The following UGT1A9 variants were observed in gnomAD, a reference collection of about 807,000 sequenced individuals.
UGT1A9 encodes UDP glucuronosyltransferase family 1 member A9, also known as UDP-glucuronosyltransferase 1A9.
A neutral mutation model predicts 45.0 loss-of-function variants in UGT1A9; 35 were observed. The ratio of observed to expected loss-of-function variants is 0.78; its 90% CI spans 0.59 to 1.03. The LOEUF is 1.03. UGT1A9 is among the 50% of genes least tolerant of loss of function. The probability of loss-of-function intolerance (pLI) is 0.00; values close to 1 mark genes in which losing one functional copy is unlikely to be tolerated. For synonymous variants in UGT1A9, 278 were observed against 250.6 expected (o/e 1.11, Z -1.03); for missense variants, 687 against 666.6 (o/e 1.03, Z -0.34).
chr2:233,757,535 A>AATATATATATATATATATATATATAT (rs67292694), intron 1 of UGT1A9, among the ~76,000 whole-genome samples: 77 of 88,242 alleles, frequency 8.7e-4, no homozygotes, highest in East Asian at 3.1e-3. Context: ...GCCTGTAAGG[A>AATATATATATATATATATATATATAT]ATATATATAT....
Position 233,754,476 on chromosome 2 carries a change from C to A in UGT1A9, c.856-12558C>A, listed in dbSNP as rs561719885. 3.5e-4 allele frequency: 124 copies of A among 357,228 alleles called. 1 individual carries two copies. Among genetic ancestry groups the A allele is most frequent in the Admixed American group, 6.4e-4 (17 of 26,454 alleles). The allele number at this position is 357,228 out of a possible 1,614,324, so 22.1% of individuals were successfully genotyped here. A position where few individuals can be genotyped will look rare whatever the true frequency, so the allele number is the denominator to read the frequency against. ...GTACAGCTGTTCTGAAAGTAAAGTT[C>A]ACTTTCAATCCTAAAAAAAGTCCGC... On this transcript the variant is annotated intron_variant, in intron 1 of 4. Coordinates refer to ENST00000354728, the MANE Select transcript of UGT1A9 (RefSeq NM_021027.3).
chr2:233,747,677 C>T (rs1693749061), intron 1 of UGT1A9: 1 of 1,606,758 alleles, frequency 6.2e-7, no homozygotes, highest in Non-Finnish European at 8.5e-7. Context: ...ACCCAATTTA[C>T]CTCTGTGGGG....
intron 1 of UGT1A9, among the ~76,000 whole-genome samples, chr2:233,716,389 A>C (rs1313354106): frequency 6.6e-6 from 1 of 152,190 alleles, no homozygotes; most frequent in East Asian, 1.9e-4. Flanking sequence ...TACCACAGAC[A>C]CTAAGCTTAA....
At chr2:233,754,113 C>T (rs1185376783) in intron 1 of UGT1A9, among the ~76,000 whole-genome samples, 1 of 152,168 alleles carries the variant, frequency 6.6e-6, no homozygotes, top group Non-Finnish European at 1.5e-5. Flanking sequence ...TCCTACATCA[C>T]GAGCATTTAT....
Position 233,713,643 on chromosome 2 carries a change from C to G in UGT1A9, c.855+40854C>G, listed in dbSNP as rs149715967. On this transcript the variant is annotated intron_variant, in intron 1 of 4. Transcript: ENST00000354728. ...AAGGGTCAAGAACATGCTCTACCCTCTGGCCCTGTCCTACCTTTGCCATGC... is the reference window on the plus strand; with the variant it reads ...AAGGGTCAAGAACATGCTCTACCCTGTGGCCCTGTCCTACCTTTGCCATGC... 717 of 1,613,992 alleles carry G rather than the reference C, an allele frequency of 4.4e-4. 2 individuals are homozygous for G. The highest frequency in any genetic ancestry group is 1.7e-3 in the South Asian group (154 of 91,058).
At chr2:233,725,835 C>T (rs141517259) in intron 1 of UGT1A9, among the ~76,000 whole-genome samples, 2 of 152,170 alleles carry the variant, frequency 1.3e-5, no homozygotes, top group African/African-American at 4.8e-5. Flanking sequence ...ATTGCTACTC[C>T]TATGTTATTT....
chr2:233,697,833 TAAG>T (rs2125573515), intron 1 of UGT1A9, among the ~76,000 whole-genome samples: 1 of 152,318 alleles, frequency 6.6e-6, no homozygotes, highest in African/African-American at 2.4e-5. Flanking sequence ...AAAATCTAAT[TAAG>T]AAGTTAGTAA....
chr2:233,737,176 C>CG (rs2078848522), intron 1 of UGT1A9, among the ~76,000 whole-genome samples: 1 of 152,196 alleles, frequency 6.6e-6, no homozygotes, highest in South Asian at 2.1e-4. Context: ...GAGTCTATAG[C>CG]GGCAGTAGCC....
At chr2:233,742,175 T>C (rs1052722591) in intron 1 of UGT1A9, among the ~76,000 whole-genome samples, 7 of 151,768 alleles carry the variant, frequency 4.6e-5, no homozygotes, top group African/African-American at 1.5e-4. Flanking sequence ...CACAGAAATA[T>C]AGAGTGTGGA....
rs2074207726 is a variant in UGT1A9, at chr2:233,672,031, A to G, written c.97A>G (p.Met33Val). Residue 33 changes from methionine to valine, a missense_variant, in exon 1 of 5, where the codon ATG becomes GTG. Physicochemically the swap from Met to Val is conservative, Grantham distance 21 (BLOSUM62 1). Coordinates refer to ENST00000354728, the MANE Select transcript of UGT1A9 (RefSeq NM_021027.3). ...GGCAGGGAAGCTACTGGTAGTGCCC[A>G]TGGATGGGAGCCACTGGTTCACCAT... ...AEAGKLLVVP[M>V]DGSHWFTMRS... 1.9e-6 allele frequency: 3 copies of G among 1,614,030 alleles called. No homozygotes were observed. The highest frequency in any genetic ancestry group is 1.3e-5 in the African/African-American group (1 of 74,936).
chr2:233,690,191 TA>T (rs1234058808), intron 1 of UGT1A9, among the ~76,000 whole-genome samples: 1 of 152,236 alleles, frequency 6.6e-6, no homozygotes, highest in African/African-American at 2.4e-5. Flanking sequence ...TTTCATAAAA[TA>T]TTCATAAATT....
intron 1 of UGT1A9, among the ~76,000 whole-genome samples, chr2:233,679,523 C>T (rs1325905150): frequency 6.6e-6 from 1 of 152,140 alleles, no homozygotes; most frequent in Non-Finnish European, 1.5e-5. Flanking sequence ...TCTTCCTTGC[C>T]AATAAATGTC....
chr2:233,763,322 A>T (rs767434078), intron 1 of UGT1A9, among the ~76,000 whole-genome samples: 4 of 152,108 alleles, frequency 2.6e-5, no homozygotes, highest in Non-Finnish European at 5.9e-5. Context: ...CTTCTGTATT[A>T]TTTTTGTTTA....
chr2:233,749,337 T>C (rs10179091), intron 1 of UGT1A9, among the ~76,000 whole-genome samples: 73,841 of 151,468 alleles, frequency 0.49, 18,755 homozygotes, highest in South Asian at 0.6. Context: ...TGTTGAAAAG[T>C]GGGATGGAAT....
intron 1 of UGT1A9, among the ~76,000 whole-genome samples, chr2:233,726,081 A>G (rs1169774855): frequency 6.6e-6 from 1 of 152,170 alleles, no homozygotes; most frequent in Non-Finnish European, 1.5e-5. Flanking sequence ...CAGGAGGATT[A>G]CTTGATCCGA....
chr2:233,714,773 T>G (rs2076411082), intron 1 of UGT1A9, among the ~76,000 whole-genome samples: 1 of 152,258 alleles, frequency 6.6e-6, no homozygotes, highest in African/African-American at 2.4e-5. Flanking sequence ...TATCTCAATT[T>G]GGAATAGCCA....
intron 1 of UGT1A9, chr2:233,681,753 T>C (rs2074537507): frequency 4.7e-6 from 4 of 844,608 alleles, no homozygotes; most frequent in Non-Finnish European, 5.7e-6. Context: ...TATAAGCAGG[T>C]ATCTCAGCAA....
At chr2:233,675,079 C>T (rs143673451) in intron 1 of UGT1A9, among the ~76,000 whole-genome samples, 15 of 152,104 alleles carry the variant, frequency 9.9e-5, no homozygotes, top group African/African-American at 3.1e-4. Flanking sequence ...GTGCAGTGTC[C>T]CAGACCCTGC....
intron 1 of UGT1A9, among the ~76,000 whole-genome samples, chr2:233,678,086 T>G (rs1428829257): frequency 6.6e-6 from 1 of 152,170 alleles, no homozygotes; most frequent in Non-Finnish European, 1.5e-5. Flanking sequence ...CAAATACCAT[T>G]GTTTTCACTT....
Sources: gnomAD v4.1 joint callset for allele counts (sites outside exome capture counted in the v4.1 genomes callset) on GRCh38, gnomAD v4.1.1 for gene constraint, MANE v1.5 for transcripts, NCBI Gene and HGNC (gene_info 2026-07-23, HGNC 2026-07-21) for gene names.